Variants in GABRG3 observed in about 807,000 individuals in gnomAD.
GABRG3 encodes the protein gamma-aminobutyric acid type A receptor subunit gamma3.
In GABRG3, 25 loss-of-function variants were observed where a neutral mutation model predicts 48.8. That is an observed-to-expected ratio of 0.51 (90% CI 0.37 to 0.72). The LOEUF is 0.72. Ranked by LOEUF, GABRG3 falls within the 30% of genes least tolerant of loss-of-function variation. GABRG3 has a pLI of 0.00. For synonymous variants in GABRG3, 227 were observed against 217.6 expected, an observed-to-expected ratio of 1.04 and a Z score of -0.38; for missense variants, 394 against 577.9, an observed-to-expected ratio of 0.68 and a Z score of 3.26.
chr15:27,175,195 G>T, intron 3 of GABRG3, among the ~76,000 whole-genome samples: 1 of 152,150 alleles, frequency 6.6e-6, no homozygotes, highest in East Asian at 1.9e-4. Context: ...GCTCGAGGAA[G>T]GTCCTACCTC....
At chr15:27,350,601 G>C (rs1336255574) in intron 5 of GABRG3, among the ~76,000 whole-genome samples, 1 of 152,128 alleles carries the variant, frequency 6.6e-6, no homozygotes, top group East Asian at 1.9e-4. Context: ...CGTCCAGGGA[G>C]TCTGGAGGGA....
At chr15:27,296,424 T>C (rs1891985379) in intron 3 of GABRG3, among the ~76,000 whole-genome samples, 1 of 152,124 alleles carries the variant, frequency 6.6e-6, no homozygotes, top group African/African-American at 2.4e-5. Context: ...GGGTGCTAAC[T>C]TGAGTAACTT....
At chr15:27,129,860 C>G (rs1897885937) in intron 3 of GABRG3, among the ~76,000 whole-genome samples, 1 of 152,044 alleles carries the variant, frequency 6.6e-6, no homozygotes, top group Non-Finnish European at 1.5e-5. Context: ...GGAGAAATAC[C>G]TATTCAAGTC....
intron 5 of GABRG3, among the ~76,000 whole-genome samples, chr15:27,368,333 G>A (rs1241281616): frequency 6.6e-6 from 1 of 152,208 alleles, no homozygotes; most frequent in Non-Finnish European, 1.5e-5. Flanking sequence ...ACACATACAT[G>A]CACTCACGGA....
At chr15:27,069,837 G>A (rs745849087) in intron 3 of GABRG3, among the ~76,000 whole-genome samples, 26 of 152,326 alleles carry the variant, frequency 1.7e-4, no homozygotes, top group African/African-American at 4.6e-4. Context: ...TGCCTTGGTC[G>A]TTAATATCCA....
At chr15:27,425,867 G>C (rs903973394) in intron 5 of GABRG3, among the ~76,000 whole-genome samples, 3 of 152,072 alleles carry the variant, frequency 2.0e-5, no homozygotes, top group Non-Finnish European at 2.9e-5. Context: ...TTTATTCAAT[G>C]TTTGAAACTT....
intron 3 of GABRG3, among the ~76,000 whole-genome samples, chr15:27,307,242 A>G (rs1892611378): frequency 7.6e-6 from 1 of 131,366 alleles, no homozygotes; most frequent in Non-Finnish European, 1.6e-5. Context: ...TTATATGTTT[A>G]TATATAACCA....
intron 3 of GABRG3, among the ~76,000 whole-genome samples, chr15:27,084,896 C>G (rs556164843): frequency 3.9e-5 from 6 of 152,294 alleles, no homozygotes; most frequent in African/African-American, 1.2e-4. Flanking sequence ...AAACGTGGCT[C>G]TCCTTCTGAC....
intron 3 of GABRG3, among the ~76,000 whole-genome samples, chr15:27,052,541 A>G (rs1896473478): frequency 6.6e-6 from 1 of 152,202 alleles, no homozygotes; most frequent in African/African-American, 2.4e-5. Context: ...GTGAGGGTGC[A>G]TGATGGCAGG....
chr15:27,468,167 T>G (rs1022440278), intron 5 of GABRG3, among the ~76,000 whole-genome samples: 1 of 152,154 alleles, frequency 6.6e-6, no homozygotes, highest in African/African-American at 2.4e-5. Flanking sequence ...GAGAAGGAAT[T>G]CAAGGATGAG....
intron 3 of GABRG3, among the ~76,000 whole-genome samples, chr15:27,199,703 C>T (rs958157844): frequency 6.6e-6 from 1 of 152,254 alleles, no homozygotes; most frequent in East Asian, 1.9e-4. Context: ...CAAGGCCTCA[C>T]CAGAAGCCAA....
chr15:27,133,981 A>C (rs1203881717), intron 3 of GABRG3, among the ~76,000 whole-genome samples: 1 of 152,184 alleles, frequency 6.6e-6, no homozygotes, highest in Non-Finnish European at 1.5e-5. Context: ...AGAATATTTT[A>C]CTTATGAATC....
At chr15:27,416,479 G>A (rs1346895514) in intron 5 of GABRG3, among the ~76,000 whole-genome samples, 1 of 152,184 alleles carries the variant, frequency 6.6e-6, no homozygotes, top group African/African-American at 2.4e-5. Context: ...CGATGCTGTG[G>A]CATATTTCAA....
At chr15:26,995,949 T>C (rs1895332834) in intron 2 of GABRG3, among the ~76,000 whole-genome samples, 2 of 152,172 alleles carry the variant, frequency 1.3e-5, no homozygotes, top group Non-Finnish European at 2.9e-5. Flanking sequence ...TCTGGGGTCA[T>C]TATCTGCTCC....
chr15:27,482,749 A>C (rs1052119488), intron 6 of GABRG3, among the ~76,000 whole-genome samples: 1 of 152,220 alleles, frequency 6.6e-6, no homozygotes, highest in Non-Finnish European at 1.5e-5. Context: ...GCTTATGTAA[A>C]TAATTCTACT....
chr15:26,990,269 C>T lies in GABRG3; in HGVS notation c.202+13119C>T, dbSNP rs955421072. 3.3e-5 allele frequency among the ~76,000 whole-genome samples: 5 copies of T among 152,308 alleles called. No homozygotes were observed. The South Asian group carries it at 1.0e-3, about 32-fold the overall frequency. ...GTGTACAAGGGTTCCCTTTTCTCCA[C>T]ATCCTTGCCAGCATTTGTTATTGCT... On this transcript the variant is annotated intron_variant, in intron 2 of 9. Coordinates refer to ENST00000615808, the MANE Select transcript of GABRG3 (RefSeq NM_033223.5).
At chr15:27,019,556 G>A (rs1272022837) in intron 2 of GABRG3, among the ~76,000 whole-genome samples, 1 of 152,224 alleles carries the variant, frequency 6.6e-6, no homozygotes, top group African/African-American at 2.4e-5. Context: ...AACTGCTTAT[G>A]ACAGTGCCAT....
chr15:27,135,935 AC>A (rs1898000893), intron 3 of GABRG3, among the ~76,000 whole-genome samples: 2 of 152,112 alleles, frequency 1.3e-5, no homozygotes, highest in South Asian at 4.2e-4. Context: ...ACAAAGCAAA[AC>A]AAAACAACAA....
intron 3 of GABRG3, among the ~76,000 whole-genome samples, chr15:27,043,697 A>C (rs2376478): frequency 0.24 from 36,688 of 152,098 alleles, 4,744 homozygotes; most frequent in Middle Eastern, 0.36. Flanking sequence ...TTGTCTTTTA[A>C]CAGTGTGAGT....
Sources: allele counts gnomAD v4.1 joint callset (sites outside exome capture counted in the v4.1 genomes callset), GRCh38; gene constraint gnomAD v4.1.1; transcripts MANE v1.5; gene names NCBI Gene and HGNC (gene_info 2026-07-23, HGNC 2026-07-21).